The following DAB1 variants were observed in gnomAD, a reference collection of about 807,000 sequenced individuals.
DAB1 encodes the protein DAB adaptor protein 1, also known as disabled homolog 1.
A neutral mutation model predicts 64.6 loss-of-function variants in DAB1; 15 were observed. The ratio of observed to expected loss-of-function variants is 0.23; its 90% CI spans 0.16 to 0.36. DAB1 has a LOEUF of 0.36. Ranked by LOEUF, DAB1 falls within the 10% of genes least tolerant of loss-of-function variation. The pLI is 1.00. For synonymous variants in DAB1, 235 were observed against 251.9 expected, an observed-to-expected ratio of 0.93 and a Z score of 0.64; for missense variants, 596 against 706.7, an observed-to-expected ratio of 0.84 and a Z score of 1.78.
chr1:57,661,361 G>A (rs1053811465), intron 6 of DAB1, among the ~76,000 whole-genome samples: 3 of 152,168 alleles, frequency 2.0e-5, no homozygotes, highest in Admixed American at 6.5e-5. Flanking sequence ...CAGCCTCGGT[G>A]TCCTTAACTA....
intron 1 of DAB1, among the ~76,000 whole-genome samples, chr1:57,363,583 A>G (rs1255805303): frequency 1.1e-4 from 16 of 152,200 alleles, no homozygotes; most frequent in Non-Finnish European, 2.1e-4. Context: ...GAGATGATAT[A>G]TGGAAGGCGC....
At chr1:57,414,932 C>T (rs1050492686) in intron 1 of DAB1, among the ~76,000 whole-genome samples, 3 of 152,100 alleles carry the variant, frequency 2.0e-5, no homozygotes, top group African/African-American at 7.2e-5. Flanking sequence ...ATGGCATTAT[C>T]TTTTAATCAG....
intron 5 of DAB1, among the ~76,000 whole-genome samples, chr1:58,070,703 C>T (rs934268657): frequency 3.3e-5 from 5 of 152,060 alleles, no homozygotes; most frequent in South Asian, 2.1e-4. Context: ...TGGCTAGACT[C>T]GGGACTCATC....
chr1:57,501,564 C>T lies in DAB1; in HGVS notation n.625+148028G>A, dbSNP rs552608455. On this transcript the variant is annotated intron_variant and non_coding_transcript_variant, in intron 7 of 20. Transcript: ENST00000485760. The stretch of plus-strand genomic sequence containing the variant: ...ATACCAAGGATTGGAAACATCTGAA[C>T]ATTGAACAATAGTAGAATGGTAAAG... 3.3e-5 allele frequency among the ~76,000 whole-genome samples: 5 copies of T among 152,306 alleles called. No individual in the cohort carries two copies. In the South Asian group the frequency reaches 1.0e-3, roughly 32 times the overall value.
intron 2 of DAB1, among the ~76,000 whole-genome samples, chr1:57,160,619 A>T (rs1158865425): frequency 2.0e-5 from 3 of 152,208 alleles, no homozygotes; most frequent in Non-Finnish European, 4.4e-5. Context: ...AATGATGCAC[A>T]TGAAATACAG....
At chr1:57,129,051 T>A (rs1431692500) in intron 4 of DAB1, among the ~76,000 whole-genome samples, 2 of 152,128 alleles carry the variant, frequency 1.3e-5, no homozygotes, top group Non-Finnish European at 2.9e-5. Context: ...CTTAGAGGAT[T>A]GAGTTAAACG....
chr1:58,459,358 G>C (rs1023278609), intron 3 of DAB1, among the ~76,000 whole-genome samples: 1 of 152,230 alleles, frequency 6.6e-6, no homozygotes, highest in Non-Finnish European at 1.5e-5. Flanking sequence ...TGTTGGCTTG[G>C]GCTGTGTAAT....
chr1:57,883,553 G>T (rs1253883973), intron 1 of DAB1, among the ~76,000 whole-genome samples: 1 of 152,200 alleles, frequency 6.6e-6, no homozygotes, highest in Non-Finnish European at 1.5e-5. Context: ...GATGCAGAAA[G>T]CAGCATATTT....
At chr1:58,037,396 G>T (rs1190568064) in intron 5 of DAB1, among the ~76,000 whole-genome samples, 1 of 152,144 alleles carries the variant, frequency 6.6e-6, no homozygotes, top group Non-Finnish European at 1.5e-5. Flanking sequence ...ATGAATACTA[G>T]TCTGTGGCCA....
At chr1:58,173,122 G>A (rs891309922) in intron 4 of DAB1, among the ~76,000 whole-genome samples, 1 of 152,198 alleles carries the variant, frequency 6.6e-6, no homozygotes, top group Non-Finnish European at 1.5e-5. Context: ...ACCTACAGAA[G>A]GATGCTTGGT....
At chr1:58,396,500 T>A (rs338925) in intron 3 of DAB1, among the ~76,000 whole-genome samples, 1 of 151,398 alleles carries the variant, frequency 6.6e-6, no homozygotes, top group African/African-American at 2.4e-5. Flanking sequence ...CACAGAGGTG[T>A]GGCGGTGGGG....
chr1:57,676,431 T>C (rs562557614), intron 6 of DAB1, among the ~76,000 whole-genome samples: 1 of 152,316 alleles, frequency 6.6e-6, no homozygotes, highest in East Asian at 1.9e-4. Context: ...ATTAAACATA[T>C]GAAACAGATA....
chr1:57,743,278 C>T (rs1007825451), intron 6 of DAB1, among the ~76,000 whole-genome samples: 14 of 152,016 alleles, frequency 9.2e-5, no homozygotes, highest in Admixed American at 2.6e-4. Flanking sequence ...TTGTTTCTGC[C>T]CCACCCTAAC....
intron 2 of DAB1, among the ~76,000 whole-genome samples, chr1:57,176,116 G>A (rs1034946404): frequency 2.6e-5 from 4 of 152,144 alleles, no homozygotes; most frequent in African/African-American, 4.8e-5. Flanking sequence ...CTGTATATTA[G>A]GATGGGGGTA....
intron 7 of DAB1, among the ~76,000 whole-genome samples, chr1:57,568,735 C>T: frequency 6.6e-6 from 1 of 152,120 alleles, no homozygotes; most frequent in Admixed American, 6.5e-5. Context: ...GAGATACCAT[C>T]TCACACCAGT....
rs572474008 is a variant in DAB1, at chr1:58,106,995, A to G, written n.387+43516T>C. On this transcript the variant is annotated intron_variant and non_coding_transcript_variant, in intron 5 of 20. Transcript: ENST00000485760. ...TCTAAAGCATTTATTGAGCATCTAC[A>G]TCTACTATGTGCTGGGCATTATGCT... Among the ~76,000 whole-genome samples the G allele has an allele frequency of 2.2e-3, 328 of 151,294 alleles. 2 individuals are homozygous for G. The highest frequency in any genetic ancestry group is 7.5e-3 in the African/African-American group (308 of 41,140).
At chr1:58,313,846 TGTGTGTGTGTGA>T (rs1662485794) in intron 4 of DAB1, among the ~76,000 whole-genome samples, 2 of 144,674 alleles carry the variant, frequency 1.4e-5, no homozygotes, top group African/African-American at 2.6e-5. Flanking sequence ...TGTGTGTGTG[TGTGTGTGTGTGA>T]GAGAGAGAGA....
At chr1:58,404,392 C>T (rs1051367224) in intron 3 of DAB1, among the ~76,000 whole-genome samples, 4 of 152,216 alleles carry the variant, frequency 2.6e-5, no homozygotes, top group African/African-American at 9.6e-5. Flanking sequence ...CAGGCTGCGC[C>T]ATTTGTCATC....
chr1:57,480,544 G>A (rs933266219), intron 7 of DAB1, among the ~76,000 whole-genome samples: 1 of 151,540 alleles, frequency 6.6e-6, no homozygotes, highest in Non-Finnish European at 1.5e-5. Flanking sequence ...GAGTGCAGTA[G>A]CTTAATCGTG....
Sources: gnomAD v4.1 joint callset for allele counts (sites outside exome capture counted in the v4.1 genomes callset) on GRCh38, gnomAD v4.1.1 for gene constraint, MANE v1.5 for transcripts, NCBI Gene and HGNC (gene_info 2026-07-23, HGNC 2026-07-21) for gene names.